The following MANBA variants were observed in gnomAD, a reference collection of about 807,000 sequenced individuals.
MANBA encodes beta-mannosidase.
In MANBA, 83 loss-of-function variants were observed where a neutral mutation model predicts 111.1. The observed-to-expected ratio is 0.75, with a 90% CI of 0.63 to 0.90. MANBA has a LOEUF of 0.90. MANBA is among the 40% of genes least tolerant of loss of function. MANBA has a pLI of 0.00. For missense variants in MANBA, 1,036 were observed against 1,069.0 expected (o/e 0.97, Z 0.43); for synonymous variants, 370 against 378.7 (o/e 0.98, Z 0.27).
At chr4:102,685,034 T>C (rs1159694874) in intron 7 of MANBA, among the ~76,000 whole-genome samples, 1 of 152,112 alleles carries the variant, frequency 6.6e-6, no homozygotes, top group African/African-American at 2.4e-5. Context: ...CACTAAAAAA[T>C]ACATGCTATA....
In MANBA at chr4:102,673,906, G is replaced by C. The variant is rs758537987; in HGVS notation, c.1112+13C>G. ...ATTAAAAGAAGAACAAGAAAAGAAAGACAATAACTTACAACTCAGAGGTTA... is the reference window on the plus strand; with the variant it reads ...ATTAAAAGAAGAACAAGAAAAGAAACACAATAACTTACAACTCAGAGGTTA... On this transcript the variant is annotated intron_variant, in intron 8 of 16. Coordinates refer to ENST00000647097, the MANE Select transcript of MANBA (RefSeq NM_005908.4). The C allele has an allele frequency of 6.2e-7, 1 of 1,602,514 alleles. No homozygotes were observed. The highest frequency in any genetic ancestry group is 8.6e-7 in the Non-Finnish European group (1 of 1,169,568).
intron 1 of MANBA, among the ~76,000 whole-genome samples, chr4:102,748,099 G>T (rs991742519): frequency 6.6e-6 from 1 of 152,216 alleles, no homozygotes; most frequent in Non-Finnish European, 1.5e-5. Flanking sequence ...GCCAGGAGGT[G>T]ACTGGAGCTG....
chr4:102,674,536 A>G (rs1217345163), intron 7 of MANBA, among the ~76,000 whole-genome samples: 1 of 152,242 alleles, frequency 6.6e-6, no homozygotes, highest in Non-Finnish European at 1.5e-5. Flanking sequence ...ATTACCATAA[A>G]ATCACTTTGT....
chr4:102,673,936 G>C lies in MANBA; in HGVS notation c.1095C>G (p.Asp365Glu), dbSNP rs1448108420. The C allele has an allele frequency of 6.2e-7, 1 of 1,611,086 alleles. No individual in the cohort carries two copies. The highest frequency in any genetic ancestry group is 8.5e-7 in the Non-Finnish European group (1 of 1,177,266). The change falls in exon 8 of 17, where the codon GAC (aspartate) becomes GAG (glutamate). Residue 365 changes from aspartate to glutamate, a missense_variant. Physicochemically the swap from Asp to Glu is conservative, Grantham distance 45 (BLOSUM62 2). Coordinates refer to ENST00000647097, the MANE Select transcript of MANBA (RefSeq NM_005908.4). ...SNWIPADSFQ[D>E]RVTSELLRLL... ...TAACTTACAACTCAGAGGTTACTCG[G>C]TCCTGGAATGAATCTGCTGGGATCC...
At chr4:102,703,776 GC>G (rs1733168796) in intron 5 of MANBA, among the ~76,000 whole-genome samples, 1 of 152,002 alleles carries the variant, frequency 6.6e-6, no homozygotes, top group Non-Finnish European at 1.5e-5. Context: ...CACTTTGCAA[GC>G]CCCTACCCAC....
intron 4 of MANBA, among the ~76,000 whole-genome samples, chr4:102,714,981 G>A (rs1175401329): frequency 6.6e-6 from 1 of 152,144 alleles, no homozygotes; most frequent in Non-Finnish European, 1.5e-5. Flanking sequence ...AGATACCAGA[G>A]GTTAGGACTT....
At chr4:102,655,790 C>T (rs1171751909) in intron 12 of MANBA, among the ~76,000 whole-genome samples, 1 of 152,110 alleles carries the variant, frequency 6.6e-6, no homozygotes, top group Non-Finnish European at 1.5e-5. Context: ...GTAAGTAAAA[C>T]TTCATCAAAA....
At chr4:102,724,436 G>A (rs1344590532) in intron 2 of MANBA, among the ~76,000 whole-genome samples, 1 of 151,666 alleles carries the variant, frequency 6.6e-6, no homozygotes, top group African/African-American at 2.4e-5. Flanking sequence ...GCGGGTGCCT[G>A]TAATCCAAGC....
At chr4:102,696,717 C>T (rs972429780) in intron 5 of MANBA, among the ~76,000 whole-genome samples, 6 of 152,132 alleles carry the variant, frequency 3.9e-5, no homozygotes, top group African/African-American at 9.7e-5. Context: ...ATTAGCTTTG[C>T]CCTGCTGAGC....
chr4:102,673,752 T>C (rs1731599273), intron 8 of MANBA, among the ~76,000 whole-genome samples, 167 bp downstream of exon 8: 1 of 152,188 alleles, frequency 6.6e-6, no homozygotes, highest in Non-Finnish European at 1.5e-5. Flanking sequence ...GAGAATGGAA[T>C]ATATAATTTT....
intron 5 of MANBA, among the ~76,000 whole-genome samples, chr4:102,698,327 GTTTC>G (rs1341028765): frequency 2.6e-5 from 4 of 151,382 alleles, no homozygotes; most frequent in Non-Finnish European, 4.4e-5. Context: ...TCTGATGGTA[GTTTC>G]TTTTGCTGTG....
intron 7 of MANBA, among the ~76,000 whole-genome samples, chr4:102,688,287 G>A (rs570890638): frequency 8.7e-5 from 13 of 150,052 alleles, no homozygotes; most frequent in African/African-American, 2.0e-4. Flanking sequence ...GCATGTGTGC[G>A]TGCGCGCGCA....
chr4:102,673,914 C>T lies in MANBA; in HGVS notation c.1112+5G>A. 6.2e-7 allele frequency: 1 copy of T among 1,606,782 alleles called. No homozygotes were observed. On this transcript the variant is annotated splice_donor_5th_base_variant and intron_variant, in intron 8 of 16. Coordinates refer to ENST00000647097, the MANE Select transcript of MANBA (RefSeq NM_005908.4). The stretch of plus-strand genomic sequence containing the variant: ...AAGAACAAGAAAAGAAAGACAATAA[C>T]TTACAACTCAGAGGTTACTCGGTCC...
intron 10 of MANBA, chr4:102,665,964 T>A (rs1731202160): frequency 6.6e-6 from 1 of 152,214 alleles, no homozygotes; most frequent in Non-Finnish European, 1.5e-5. Flanking sequence ...TTTAAAAAAA[T>A]TAAGTCTTGT....
At chr4:102,666,928 G>C (rs1029044956) in intron 10 of MANBA, 1 of 152,174 alleles carries the variant, frequency 6.6e-6, no homozygotes, top group African/African-American at 2.4e-5. Flanking sequence ...GAGTATCATA[G>C]TGTAATAGAA....
At chr4:102,741,025 G>A (rs1260704604) in intron 1 of MANBA, among the ~76,000 whole-genome samples, 2 of 152,148 alleles carry the variant, frequency 1.3e-5, no homozygotes, top group East Asian at 1.9e-4. Context: ...CACAGAGTGG[G>A]AGAAAATCTT....
intron 4 of MANBA, among the ~76,000 whole-genome samples, chr4:102,717,539 G>A (rs528855066): frequency 6.6e-6 from 1 of 151,894 alleles, no homozygotes; most frequent in East Asian, 1.9e-4. Context: ...AGCCTCCTGA[G>A]TGGCAGGGAC....
chr4:102,728,330 A>G (rs1013329340), intron 1 of MANBA: 36 of 534,016 alleles, frequency 6.7e-5, no homozygotes, highest in Non-Finnish European at 1.0e-4. Flanking sequence ...CCTTGGGCCC[A>G]TGAGGATTCT....
chr4:102,669,738 T>G (rs1578886748), intron 9 of MANBA, among the ~76,000 whole-genome samples: 1 of 152,124 alleles, frequency 6.6e-6, no homozygotes, highest in Non-Finnish European at 1.5e-5. Flanking sequence ...CCCAGAATTT[T>G]GGGAGGCCAA....
Sources: allele counts gnomAD v4.1 joint callset (sites outside exome capture counted in the v4.1 genomes callset), GRCh38; gene constraint gnomAD v4.1.1; transcripts MANE v1.5; gene names NCBI Gene and HGNC (gene_info 2026-07-23, HGNC 2026-07-21).